ZDHHC17: variants seen among roughly 807,000 people sequenced by gnomAD.
ZDHHC17 encodes the protein palmitoyltransferase ZDHHC17.
Under a neutral mutation model 90.3 loss-of-function variants are expected in ZDHHC17, and 40 were observed. The observed-to-expected ratio is 0.44, with a 90% CI of 0.34 to 0.58. ZDHHC17 has a LOEUF of 0.58. Among genes scored for constraint, ZDHHC17 ranks in the 20% least tolerant of loss-of-function variants. The pLI is 0.01. For missense variants in ZDHHC17, 614 were observed against 780.8 expected, an observed-to-expected ratio of 0.79 and a Z score of 2.55; for synonymous variants, 235 against 252.4, an observed-to-expected ratio of 0.93 and a Z score of 0.65.
intron 1 of ZDHHC17, among the ~76,000 whole-genome samples, chr12:76,774,554 C>T (rs142918382): frequency 2.0e-5 from 3 of 152,148 alleles, no homozygotes; most frequent in Non-Finnish European, 4.4e-5. Flanking sequence ...ATCTGTAAAT[C>T]TCTTCTAAAG....
intron 4 of ZDHHC17, among the ~76,000 whole-genome samples, 165 bp downstream of exon 4, chr12:76,809,285 G>A (rs1387654341): frequency 6.6e-6 from 1 of 152,062 alleles, no homozygotes; most frequent in Non-Finnish European, 1.5e-5. Flanking sequence ...CTGTAAAGAA[G>A]CAAAAGTTTA....
intron 1 of ZDHHC17, among the ~76,000 whole-genome samples, chr12:76,778,656 T>G (rs1465261011): frequency 6.6e-6 from 1 of 152,250 alleles, no homozygotes; most frequent in Non-Finnish European, 1.5e-5. Flanking sequence ...AGCCCAGTCT[T>G]ATAGGTAAGT....
At chr12:76,794,278 TTATC>T (rs1342716731) in intron 1 of ZDHHC17, among the ~76,000 whole-genome samples, 3 of 152,210 alleles carry the variant, frequency 2.0e-5, no homozygotes, top group Admixed American at 6.5e-5. Flanking sequence ...TTAAAAATTA[TTATC>T]TATGTTAGAT....
At chr12:76,846,401 T>G in intron 13 of ZDHHC17, 195 bp from the exon 14 acceptor site, 1 of 556,060 alleles carries the variant, frequency 1.8e-6, no homozygotes, top group Non-Finnish European at 3.2e-6. Flanking sequence ...CATTATATCT[T>G]TGTGTGTAAT....
Position 76,778,806 on chromosome 12 carries a change from T to C in ZDHHC17, c.93+14477T>C, listed in dbSNP as rs868150616. Among the ~76,000 whole-genome samples, 5 of 152,332 alleles carry C rather than the reference T, an allele frequency of 3.3e-5. No individual in the cohort carries two copies. The South Asian group carries it at 1.0e-3, about 32-fold the overall frequency. ...CTGTATGACTTTGTCAGGGCTCCCA[T>C]AACAGAATGCTACAAACTGGGTGAC... On this transcript the variant is annotated intron_variant, in intron 1 of 16. Transcript: ENST00000426126.
At chr12:76,811,260 T>G (rs1953015510) in intron 5 of ZDHHC17, among the ~76,000 whole-genome samples, 1 of 152,214 alleles carries the variant, frequency 6.6e-6, no homozygotes, top group Non-Finnish European at 1.5e-5. Flanking sequence ...GAGATTATTC[T>G]TGTTATTCTG....
At chr12:76,780,413 C>CT (rs2137722862) in intron 1 of ZDHHC17, among the ~76,000 whole-genome samples, 1 of 152,324 alleles carries the variant, frequency 6.6e-6, no homozygotes, top group Non-Finnish European at 1.5e-5. Flanking sequence ...GTTCTCTACA[C>CT]TTAACATCAT....
chr12:76,845,712 C>A lies in ZDHHC17; in HGVS notation c.1333C>A (p.Arg445=), dbSNP rs766364323. The A allele has an allele frequency of 3.1e-6, 5 of 1,595,546 alleles. No homozygotes were observed. Among genetic ancestry groups the A allele is most frequent in the Non-Finnish European group, 4.3e-6 (5 of 1,167,724 alleles). The change falls in exon 13 of 17, where the codon CGA becomes AGA. Residue 445 remains arginine, a synonymous_variant. Transcript: ENST00000426126. ...CCTTTAACATGCCTATTAACAGATA[C>A]GAAAACCGGTGAGGTCCAAACATTG... ...LSIFCSTCLI[R]KPVRSKHCGV...
At chr12:76,791,470 G>T (rs1450833464) in intron 1 of ZDHHC17, among the ~76,000 whole-genome samples, 2 of 152,010 alleles carry the variant, frequency 1.3e-5, no homozygotes, top group Non-Finnish European at 2.9e-5. Flanking sequence ...TTTTTAAAAG[G>T]AGCTTTATAC....
chr12:76,775,171 C>T (rs1053923805), intron 1 of ZDHHC17, among the ~76,000 whole-genome samples: 16 of 152,186 alleles, frequency 1.1e-4, no homozygotes, highest in African/African-American at 3.6e-4. Context: ...ATTTCATTAG[C>T]AATCCATTTA....
At chr12:76,767,465 G>A (rs1422059236) in intron 1 of ZDHHC17, among the ~76,000 whole-genome samples, 1 of 152,066 alleles carries the variant, frequency 6.6e-6, no homozygotes, top group Non-Finnish European at 1.5e-5. Context: ...AGGTATTTTA[G>A]GTAAGATAAT....
intron 7 of ZDHHC17, chr12:76,821,065 T>G: frequency 7.8e-7 from 1 of 1,289,538 alleles, no homozygotes; most frequent in Non-Finnish European, 1.0e-6. Flanking sequence ...TAGGCAATCC[T>G]TAGGTGTCAC....
At chr12:76,807,528 A>G (rs1474749093) in intron 3 of ZDHHC17, among the ~76,000 whole-genome samples, 2 of 152,200 alleles carry the variant, frequency 1.3e-5, no homozygotes, top group East Asian at 3.8e-4. Context: ...AGAAGTTTGT[A>G]GTTTTGAGCT....
intron 1 of ZDHHC17, among the ~76,000 whole-genome samples, chr12:76,779,883 T>C (rs1315394121): frequency 1.3e-5 from 2 of 152,126 alleles, no homozygotes; most frequent in African/African-American, 4.8e-5. Flanking sequence ...TTTTCTTTTT[T>C]TTTTGCCTAT....
At chr12:76,822,376 A>C (rs1161044037) in intron 7 of ZDHHC17, 30 bp from the exon 8 acceptor site, 1 of 1,605,930 alleles carries the variant, frequency 6.2e-7, no homozygotes, top group Non-Finnish European at 8.5e-7. Context: ...TTAAACTTTT[A>C]ATAGGAATTT....
In ZDHHC17 at chr12:76,835,043, C is replaced by T. The variant is rs903370846; in HGVS notation, c.1141+6553C>T. ...TTTAGAATAAGCTCTTTGAGTTCCG[C>T]GAAAAGCCTTAGGCCTTTTTTTTTT... On this transcript the variant is annotated intron_variant, in intron 10 of 16. Coordinates refer to ENST00000426126, the MANE Select transcript of ZDHHC17 (RefSeq NM_015336.4). 5.6e-5 allele frequency among the ~76,000 whole-genome samples: 8 copies of T among 143,916 alleles called. 1 individual carries two copies. The South Asian group carries it at 6.6e-4, about 12-fold the overall frequency. 94.4% of individuals were successfully genotyped at this position (143,916 alleles called of 152,430 possible). A position where few individuals can be genotyped will look rare whatever the true frequency, so the allele number is the denominator to read the frequency against.
intron 2 of ZDHHC17, among the ~76,000 whole-genome samples, chr12:76,803,609 T>C (rs1327159677): frequency 6.6e-6 from 1 of 152,228 alleles, no homozygotes; most frequent in African/African-American, 2.4e-5. Flanking sequence ...ACTTGTGCTT[T>C]AGTCCATTTG....
rs747855806 is a variant in ZDHHC17, at chr12:76,828,468, G to A, written c.1119G>A (p.Thr373=). Residue 373 remains threonine (T), a synonymous_variant, in exon 10 of 17, where the codon ACG becomes ACA. Coordinates refer to ENST00000426126, the MANE Select transcript of ZDHHC17 (RefSeq NM_015336.4). ...YLATKFWMYV[T]WFFWFWNDLN... ...CAACCAAATTCTGGATGTATGTGACGTGGTTCTTCTGGTTTTGGAATGATA... is the reference window on the plus strand; with the variant it reads ...CAACCAAATTCTGGATGTATGTGACATGGTTCTTCTGGTTTTGGAATGATA... 1.2e-6 allele frequency: 2 copies of A among 1,612,990 alleles called. No individual in the cohort carries two copies.
chr12:76,815,670 G>A (rs1485435935), intron 6 of ZDHHC17, among the ~76,000 whole-genome samples, 187 bp from the exon 7 acceptor site: 8 of 151,762 alleles, frequency 5.3e-5, no homozygotes, highest in Admixed American at 4.6e-4. Context: ...TTTATATGGT[G>A]TCATACATAC....
Sources: gnomAD v4.1 joint callset for allele counts (sites outside exome capture counted in the v4.1 genomes callset) on GRCh38, gnomAD v4.1.1 for gene constraint, MANE v1.5 for transcripts, NCBI Gene and HGNC (gene_info 2026-07-23, HGNC 2026-07-21) for gene names.